KDM4C: variants seen among roughly 807,000 people sequenced by gnomAD.
The protein encoded by KDM4C is lysine demethylase 4C, also known as lysine-specific demethylase 4C.
Under a neutral mutation model 129.3 loss-of-function variants are expected in KDM4C, and 81 were observed. The ratio of observed to expected loss-of-function variants is 0.63; its 90% confidence interval spans 0.52 to 0.75. KDM4C has a LOEUF of 0.75. KDM4C is among the 30% of genes least tolerant of loss of function. The pLI, the probability that KDM4C is intolerant of heterozygous loss-of-function variation, is 0.00. For missense variants in KDM4C, 1,457 were observed against 1,304.0 expected (o/e 1.12, Z -1.81); for synonymous variants, 573 against 456.1 (o/e 1.26, Z -3.26).
chr9:7,083,277 A>C (rs1294107586), intron 17 of KDM4C, among the ~76,000 whole-genome samples: 2 of 152,226 alleles, frequency 1.3e-5, no homozygotes, highest in African/African-American at 4.8e-5. Flanking sequence ...TAAGATCTGA[A>C]ATACTCCAAT....
At chr9:6,805,905 A>C in intron 3 of KDM4C, 131 bp downstream of exon 3, 1 of 744,434 alleles carries the variant, frequency 1.3e-6, no homozygotes. Flanking sequence ...CCTTCATTGA[A>C]CTGTTTCTGT....
rs572888994 is a variant in KDM4C at position 6,964,910 on chromosome 9, C to T, written c.922-16015C>T. Among the ~76,000 whole-genome samples the T allele has an allele frequency of 4.6e-5, 7 of 151,662 alleles. 1 individual carries two copies. The South Asian group carries it at 6.2e-4, about 13-fold the overall frequency. On this transcript the variant is annotated intron_variant, in intron 8 of 21. Coordinates refer to ENST00000381309, the MANE Select transcript of KDM4C (RefSeq NM_015061.6). ...CGGAGGTTGCAGTGAGCCGAGATCG[C>T]GCCATTGCACTCCAGCCTGGGCTAC...
At chr9:6,791,902 A>T (rs577310978) in intron 1 of KDM4C, among the ~76,000 whole-genome samples, 7 of 152,236 alleles carry the variant, frequency 4.6e-5, no homozygotes, top group Middle Eastern at 3.4e-3. Flanking sequence ...CATGCCTGTA[A>T]TCCGAGCTAC....
At chr9:7,014,636 A>T (rs1373399347) in intron 14 of KDM4C, among the ~76,000 whole-genome samples, 4 of 152,164 alleles carry the variant, frequency 2.6e-5, no homozygotes, top group Non-Finnish European at 4.4e-5. Flanking sequence ...ACTCTATTTT[A>T]AGGCATTTTA....
At chr9:6,931,094 A>C (rs1048134314) in intron 8 of KDM4C, among the ~76,000 whole-genome samples, 1 of 152,086 alleles carries the variant, frequency 6.6e-6, no homozygotes, top group African/African-American at 2.4e-5. Flanking sequence ...TGTTGCCTCC[A>C]TAGGCACTTG....
intron 17 of KDM4C, chr9:7,077,083 A>C (rs1162087450): frequency 8.1e-6 from 8 of 985,400 alleles, no homozygotes; most frequent in Non-Finnish European, 9.6e-6. Flanking sequence ...TCACTCATTC[A>C]TCAAAGTTCT....
At chr9:6,900,443 T>C (rs1175203256) in intron 8 of KDM4C, among the ~76,000 whole-genome samples, 1 of 152,252 alleles carries the variant, frequency 6.6e-6, no homozygotes, top group African/African-American at 2.4e-5. Context: ...GGCTTTGGAC[T>C]CTATCTCACA....
chr9:6,835,524 C>G, intron 4 of KDM4C: 2 of 1,508,412 alleles, frequency 1.3e-6, no homozygotes, highest in South Asian at 1.1e-5. Context: ...TGTGGATCAG[C>G]AAGCAGGAGT....
chr9:7,060,168 C>T (rs1831419372), intron 17 of KDM4C, among the ~76,000 whole-genome samples: 1 of 150,666 alleles, frequency 6.6e-6, no homozygotes, highest in South Asian at 2.1e-4. Context: ...CCATTTTAGG[C>T]ACATGGCCTT....
intron 19 of KDM4C, among the ~76,000 whole-genome samples, chr9:7,143,476 G>A (rs913234494): frequency 4.6e-5 from 7 of 152,210 alleles, no homozygotes; most frequent in African/African-American, 1.4e-4. Context: ...AATCCTTGAT[G>A]TGATTCTGAA....
At chr9:6,806,871 C>T (rs1164041073) in intron 3 of KDM4C, among the ~76,000 whole-genome samples, 2 of 139,380 alleles carry the variant, frequency 1.4e-5, no homozygotes, top group Middle Eastern at 3.5e-3. Context: ...TCTCCCTCTC[C>T]GTCTCCGTCT....
chr9:6,976,024 T>A (rs1753147905), intron 8 of KDM4C, among the ~76,000 whole-genome samples: 1 of 152,202 alleles, frequency 6.6e-6, no homozygotes, highest in Non-Finnish European at 1.5e-5. Flanking sequence ...GGTGACAAAG[T>A]GAGACCTTGT....
intron 2 of KDM4C, among the ~76,000 whole-genome samples, chr9:6,802,292 G>A (rs928823204): frequency 4.6e-5 from 7 of 152,144 alleles, no homozygotes; most frequent in African/African-American, 1.7e-4. Context: ...GGGAACTCTC[G>A]TATATTGCAG....
At chr9:7,007,651 T>C (rs1048656775) in intron 12 of KDM4C, among the ~76,000 whole-genome samples, 6 of 152,214 alleles carry the variant, frequency 3.9e-5, no homozygotes, top group Non-Finnish European at 5.9e-5. Context: ...CACATGTATA[T>C]GGCAGTGGTT....
chr9:7,082,558 C>T (rs1834656057), intron 17 of KDM4C, among the ~76,000 whole-genome samples: 1 of 152,266 alleles, frequency 6.6e-6, no homozygotes, highest in South Asian at 2.1e-4. Context: ...GCTTCCCATC[C>T]GTGAGTCTCA....
At chr9:6,824,816 T>G (rs1833618840) in intron 4 of KDM4C, among the ~76,000 whole-genome samples, 1 of 152,058 alleles carries the variant, frequency 6.6e-6, no homozygotes. Context: ...AGTCACATTA[T>G]TTTACATTTT....
chr9:7,063,435 C>T (rs931647065), intron 17 of KDM4C, among the ~76,000 whole-genome samples: 20 of 152,252 alleles, frequency 1.3e-4, no homozygotes, highest in African/African-American at 4.8e-4. Context: ...TTCCTATAAG[C>T]TCTTGTTTGG....
chr9:6,945,604 C>CA (rs935991682), intron 8 of KDM4C, among the ~76,000 whole-genome samples: 9 of 152,002 alleles, frequency 5.9e-5, no homozygotes, highest in African/African-American at 2.2e-4. Context: ...GAGAATTTAT[C>CA]AAAATAGATG....
At chr9:7,009,655 A>T (rs1409642817) in intron 12 of KDM4C, among the ~76,000 whole-genome samples, 5 of 152,206 alleles carry the variant, frequency 3.3e-5, no homozygotes, top group African/African-American at 1.2e-4. Flanking sequence ...TACAAATCTC[A>T]AATGGTTAAT....
Sources: gnomAD v4.1 joint callset for allele counts (sites outside exome capture counted in the v4.1 genomes callset) on GRCh38, gnomAD v4.1.1 for gene constraint, MANE v1.5 for transcripts, NCBI Gene and HGNC (gene_info 2026-07-23, HGNC 2026-07-21) for gene names.